Variants in CDH4 observed in about 807,000 individuals in gnomAD.
CDH4 encodes cadherin 4.
Under a neutral mutation model 86.0 loss-of-function variants are expected in CDH4, and 33 were observed. The ratio of observed to expected loss-of-function variants is 0.38; its 90% confidence interval spans 0.29 to 0.51. The LOEUF (loss-of-function observed/expected upper bound fraction) is 0.51. Ranked by LOEUF, CDH4 falls within the 20% of genes least tolerant of loss-of-function variation. CDH4 has a pLI of 0.86. For synonymous variants in CDH4, 555 were observed against 549.4 expected, an observed-to-expected ratio of 1.01 and a Z score of -0.14; for missense variants, 1,114 against 1,307.4, an observed-to-expected ratio of 0.85 and a Z score of 2.28.
intron 2 of CDH4, among the ~76,000 whole-genome samples, chr20:61,674,773 T>C (rs977117203): frequency 6.6e-6 from 1 of 152,240 alleles, no homozygotes; most frequent in Non-Finnish European, 1.5e-5. Context: ...GTGTATTTCA[T>C]GCTGATTGAC....
At chr20:61,285,072 G>GTTTT (rs776837492) in intron 2 of CDH4, among the ~76,000 whole-genome samples, 9 of 150,652 alleles carry the variant, frequency 6.0e-5, no homozygotes, top group Admixed American at 1.3e-4. Flanking sequence ...AGCCTTTCCT[G>GTTTT]TTTTTTTTTT....
chr20:61,665,447 C>T (rs146217894), intron 2 of CDH4, among the ~76,000 whole-genome samples: 6 of 152,324 alleles, frequency 3.9e-5, no homozygotes, highest in South Asian at 4.1e-4. Context: ...GGAGGCTGCC[C>T]GCAAAGACCA....
intron 4 of CDH4, among the ~76,000 whole-genome samples, chr20:61,793,467 G>C (rs77492506): frequency 0.025 from 3,760 of 152,290 alleles, 154 homozygotes; most frequent in African/African-American, 0.086. Context: ...AAGAGACATT[G>C]AGAAACATCG....
At chr20:61,430,191 G>A (rs2085238727) in intron 2 of CDH4, among the ~76,000 whole-genome samples, 1 of 152,238 alleles carries the variant, frequency 6.6e-6, no homozygotes, top group African/African-American at 2.4e-5. Context: ...ACAACAGTCA[G>A]TAATGTTTCC....
At chr20:61,762,244 G>C (rs564496201) in intron 3 of CDH4, among the ~76,000 whole-genome samples, 19 of 152,356 alleles carry the variant, frequency 1.2e-4, no homozygotes, top group African/African-American at 4.3e-4. Context: ...GTTGGAAACA[G>C]AATGAAATCC....
At chr20:61,620,083 C>T (rs1321794763) in intron 2 of CDH4, among the ~76,000 whole-genome samples, 3 of 107,928 alleles carry the variant, frequency 2.8e-5, no homozygotes, top group Non-Finnish European at 4.0e-5. Flanking sequence ...CTTCCTGAGT[C>T]AGCTCAGAGA....
At chr20:61,723,820 A>G (rs915763293) in intron 2 of CDH4, among the ~76,000 whole-genome samples, 2 of 152,240 alleles carry the variant, frequency 1.3e-5, no homozygotes, top group Non-Finnish European at 2.9e-5. Flanking sequence ...ATTCAGCCCT[A>G]GAAACCTGGA....
chr20:61,461,441 T>G (rs148058199), intron 2 of CDH4, among the ~76,000 whole-genome samples: 191 of 152,230 alleles, frequency 1.3e-3, no homozygotes, highest in African/African-American at 4.5e-3. Flanking sequence ...AGAATACCTT[T>G]GTAGGAAATT....
In CDH4 at chr20:61,938,817, TCA is replaced by T. The variant is rs2123034177; in HGVS notation, c.*1877_*1878del. 1 of 152,534 alleles carries T rather than the reference TCA, an allele frequency of 6.6e-6. No homozygotes were observed. Among genetic ancestry groups the T allele is most frequent in the African/African-American group, 2.4e-5 (1 of 41,596 alleles). The allele number at this position is 152,534 out of a possible 1,614,324, so 9.4% of individuals were successfully genotyped here. The stretch of plus-strand genomic sequence containing the variant: ...GTCAGGGTCCTTGTCCAAACCAAAC[TCA>T]CAGCTGCCCCTGTGCAGCCTTCAGA... On this transcript the variant is annotated 3_prime_UTR_variant, in exon 16 of 16. Transcript: ENST00000614565.
rs1308870712 is a variant in CDH4, at chr20:61,932,980, C to G, written c.2240-5C>G. The G allele has an allele frequency of 3.1e-6, 5 of 1,610,752 alleles. No homozygotes were observed. The South Asian group carries it at 4.4e-5, about 14-fold the overall frequency. On this transcript the variant is annotated splice_region_variant and splice_polypyrimidine_tract_variant and intron_variant, in intron 13 of 15. Coordinates refer to ENST00000614565, the MANE Select transcript of CDH4 (RefSeq NM_001794.5). ...ACCCTGCTCACGGGCAGCCCTCCCC[C>G]ACAGCCATGGTCCTGCTGTTTGTCA...
chr20:61,438,577 C>G (rs2085297966), intron 2 of CDH4, among the ~76,000 whole-genome samples: 1 of 152,192 alleles, frequency 6.6e-6, no homozygotes, highest in African/African-American at 2.4e-5. Flanking sequence ...TAGTCCTTAA[C>G]TGTAGATGTC....
intron 2 of CDH4, among the ~76,000 whole-genome samples, chr20:61,545,903 GTGTGTGGAGGGGTGTGTGTGCA>G (rs1420127248): frequency 1.3e-5 from 2 of 148,348 alleles, no homozygotes; most frequent in Non-Finnish European, 3.0e-5. Flanking sequence ...TCGTATGTGT[GTGTGTGGAGGGGTGTGTGTGCA>G]TGTGTGGAGG....
rs545579705 is a variant in CDH4, at chr20:61,816,058, G to A, written c.577-28610G>A. On this transcript the variant is annotated intron_variant, in intron 4 of 15. Coordinates refer to ENST00000614565, the MANE Select transcript of CDH4 (RefSeq NM_001794.5). ...GAACAAACTAGGAGGTTCCCCAAGCGGCTCCCAGGAAGTCCAGGAGCAAGC... is the reference window on the plus strand; with the variant it reads ...GAACAAACTAGGAGGTTCCCCAAGCAGCTCCCAGGAAGTCCAGGAGCAAGC... 5.3e-5 allele frequency among the ~76,000 whole-genome samples: 8 copies of A among 152,214 alleles called. No individual in the cohort carries two copies. In the South Asian group the frequency reaches 6.2e-4, roughly 12 times the overall value.
chr20:61,371,730 T>A (rs1455387068), intron 2 of CDH4, among the ~76,000 whole-genome samples: 1 of 152,216 alleles, frequency 6.6e-6, no homozygotes, highest in Non-Finnish European at 1.5e-5. Flanking sequence ...GGAGACCTCA[T>A]CACGCACAGA....
chr20:61,868,190 G>A (rs1983634083), intron 6 of CDH4, among the ~76,000 whole-genome samples: 1 of 152,214 alleles, frequency 6.6e-6, no homozygotes, highest in South Asian at 2.1e-4. Context: ...TCATCCCACG[G>A]TGGGGGTGCA....
intron 7 of CDH4, among the ~76,000 whole-genome samples, chr20:61,883,808 A>G (rs1049663264): frequency 2.0e-5 from 3 of 151,728 alleles, no homozygotes; most frequent in Non-Finnish European, 2.9e-5. Flanking sequence ...AGACATCTAG[A>G]CTCTTCTAAT....
At chr20:61,481,170 C>A (rs1268277153) in intron 2 of CDH4, among the ~76,000 whole-genome samples, 2 of 152,216 alleles carry the variant, frequency 1.3e-5, no homozygotes, top group Non-Finnish European at 2.9e-5. Context: ...GTTTCACCCC[C>A]CAGGGAACAC....
intron 2 of CDH4, among the ~76,000 whole-genome samples, chr20:61,679,980 T>A (rs956971797): frequency 1.3e-5 from 2 of 152,046 alleles, no homozygotes; most frequent in African/African-American, 4.8e-5. Context: ...GAGACCCTCG[T>A]ACCCGAGTGA....
At chr20:61,498,724 A>T (rs1410553203) in intron 2 of CDH4, among the ~76,000 whole-genome samples, 1 of 152,218 alleles carries the variant, frequency 6.6e-6, no homozygotes, top group Non-Finnish European at 1.5e-5. Context: ...TGGGTCACAC[A>T]TAAAATACAC....
Sources: gnomAD v4.1 joint callset for allele counts (sites outside exome capture counted in the v4.1 genomes callset) on GRCh38, gnomAD v4.1.1 for gene constraint, MANE v1.5 for transcripts, NCBI Gene and HGNC (gene_info 2026-07-23, HGNC 2026-07-21) for gene names.